Variants in SNX31 observed in about 807,000 individuals in gnomAD.
The protein encoded by SNX31 is sorting nexin-31.
In SNX31, 58 loss-of-function variants were observed where a neutral mutation model predicts 65.4. The observed-to-expected ratio is 0.89, with a 90% confidence interval of 0.72 to 1.10. SNX31 has a LOEUF of 1.10. Ranked by LOEUF, SNX31 falls within the 50% of genes least tolerant of loss-of-function variation. SNX31 has a pLI of 0.00. For synonymous variants in SNX31, 181 were observed against 190.1 expected, an observed-to-expected ratio of 0.95 and a Z score of 0.39; for missense variants, 523 against 529.7, an observed-to-expected ratio of 0.99 and a Z score of 0.12.
intron 2 of SNX31, 28 bp from the exon 3 acceptor site, chr8:100,636,039 G>T: frequency 6.4e-7 from 1 of 1,564,030 alleles, no homozygotes; most frequent in Non-Finnish European, 8.8e-7. Context: ...CACAGTTAAG[G>T]CAGGTGAGCC....
rs1304157636 is a variant in SNX31 at position 100,630,605 on chromosome 8, G to A, written c.257-214C>T. Reference sequence around the variant, plus strand: ...CAGGAACCCATGACACCCATCCAGGGTGACAGTGTTCCCAGGCATCTCACT... The same window carrying A: ...CAGGAACCCATGACACCCATCCAGGATGACAGTGTTCCCAGGCATCTCACT... On this transcript the variant is annotated intron_variant, in intron 3 of 13. Transcript: ENST00000311812. The surrounding 1 kb of genome is among the most constrained non-coding windows in gnomAD (Gnocchi z 5.3). Among the ~76,000 whole-genome samples, 1 of 152,146 alleles carries A rather than the reference G, an allele frequency of 6.6e-6. No individual in the cohort carries two copies. The highest frequency in any genetic ancestry group is 1.5e-5 in the Non-Finnish European group (1 of 68,026).
At chr8:100,643,946 C>T (rs1478407313) in intron 2 of SNX31, among the ~76,000 whole-genome samples, 1 of 152,168 alleles carries the variant, frequency 6.6e-6, no homozygotes. Context: ...GCATCTCATG[C>T]AATCAAGGAG....
intron 8 of SNX31, among the ~76,000 whole-genome samples, chr8:100,605,609 G>A (rs577369542): frequency 6.6e-6 from 1 of 152,224 alleles, no homozygotes; most frequent in East Asian, 1.9e-4. Context: ...AGAAGGATGC[G>A]GTTGCTGGCC....
At chr8:100,644,871 C>T (rs1485664592) in intron 2 of SNX31, among the ~76,000 whole-genome samples, 1 of 152,218 alleles carries the variant, frequency 6.6e-6, no homozygotes, top group Non-Finnish European at 1.5e-5. Flanking sequence ...TACCATTGCC[C>T]AGGCAGGTCT....
intron 7 of SNX31, among the ~76,000 whole-genome samples, chr8:100,611,300 G>A (rs988623220): frequency 2.0e-5 from 3 of 152,134 alleles, no homozygotes; most frequent in Non-Finnish European, 2.9e-5. Flanking sequence ...GTGATGCATT[G>A]CAAAGCAAAC....
At chr8:100,620,875 G>GGATCACCTGAGGTCGGCA (rs1563559435) in intron 4 of SNX31, among the ~76,000 whole-genome samples, 2 of 152,068 alleles carry the variant, frequency 1.3e-5, no homozygotes, top group South Asian at 4.1e-4. Flanking sequence ...TGAGGTGGGC[G>GGATCACCTGAGGTCGGCA]GATCACCTGA....
chr8:100,626,307 G>A lies in SNX31; in HGVS notation c.321+4020C>T, dbSNP rs1414734378. On this transcript the variant is annotated intron_variant, in intron 4 of 13. Transcript: ENST00000311812. This position sits in a 1 kb window ranked among gnomAD's most constrained non-coding sequence, Gnocchi z 4.4. ...GGAAACTGAGGTACAAAAAGCCTAA[G>A]TAAATTGACCCAAGTCATATAAATC... 6.6e-6 allele frequency among the ~76,000 whole-genome samples: 1 copy of A among 152,158 alleles called. No homozygotes were observed. The highest frequency in any genetic ancestry group is 1.5e-5 in the Non-Finnish European group (1 of 68,032).
intron 4 of SNX31, among the ~76,000 whole-genome samples, chr8:100,627,422 G>C (rs982075168): frequency 2.6e-5 from 4 of 152,194 alleles, no homozygotes; most frequent in African/African-American, 9.7e-5. Context: ...TCCCATGAAT[G>C]ATGGAAAGCA....
At chr8:100,615,661 C>T (rs1434364113) in intron 5 of SNX31, among the ~76,000 whole-genome samples, 1 of 152,222 alleles carries the variant, frequency 6.6e-6, no homozygotes, top group East Asian at 1.9e-4. Context: ...GGCTACAAGC[C>T]TGTTAGCCCA....
intron 10 of SNX31, among the ~76,000 whole-genome samples, chr8:100,591,462 C>G (rs1014267915): frequency 7.2e-6 from 1 of 139,574 alleles, no homozygotes; most frequent in Admixed American, 7.7e-5. Context: ...GCACTCCAGC[C>G]TGGGCAACAG....
chr8:100,618,783 T>A (rs866996299), intron 4 of SNX31: 1 of 174,040 alleles, frequency 5.7e-6, no homozygotes, highest in Admixed American at 5.8e-5. Context: ...GGGGTTTCCA[T>A]GCTCTGTTTG....
At chr8:100,615,098 C>T (rs1817054040) in intron 5 of SNX31, among the ~76,000 whole-genome samples, 1 of 152,190 alleles carries the variant, frequency 6.6e-6, no homozygotes. Context: ...GACCACTTCA[C>T]CTGTTATGGA....
At chr8:100,631,448 T>C (rs942030580) in intron 3 of SNX31, among the ~76,000 whole-genome samples, 3 of 150,500 alleles carry the variant, frequency 2.0e-5, no homozygotes, top group Non-Finnish European at 4.4e-5. Context: ...TTTTTTTTTT[T>C]TTTTTTTGAG....
At chr8:100,641,875 T>G (rs12547620) in intron 2 of SNX31, among the ~76,000 whole-genome samples, 70,195 of 149,686 alleles carry the variant, frequency 0.47, 16,686 homozygotes, top group South Asian at 0.53. Flanking sequence ...TCAGGAGATC[T>G]AGACCATCCT....
Position 100,599,657 on chromosome 8 carries a change from T to C in SNX31, c.774+692A>G, listed in dbSNP as rs1815431637. 3.9e-5 allele frequency among the ~76,000 whole-genome samples: 6 copies of C among 152,292 alleles called. No homozygotes were observed. The South Asian group carries it at 1.2e-3, about 32-fold the overall frequency. ...GTTGTATTTCGTTCAAAAATCAATG[T>C]TGCAGTTGTGAACATTGGCAAAGTC... On this transcript the variant is annotated intron_variant, in intron 9 of 13. Transcript: ENST00000311812.
chr8:100,649,189 A>T (rs1819854948), intron 2 of SNX31, 85 bp downstream of exon 2: 1 of 1,372,736 alleles, frequency 7.3e-7, no homozygotes, highest in South Asian at 1.2e-5. Flanking sequence ...GTGTCTTGCC[A>T]GAGTCAGAGG....
chr8:100,606,961 G>A (rs1344881580), intron 8 of SNX31, among the ~76,000 whole-genome samples: 2 of 152,182 alleles, frequency 1.3e-5, no homozygotes, highest in Non-Finnish European at 2.9e-5. Context: ...CCAGTTTCTG[G>A]GGATGCAGCA....
chr8:100,645,172 C>T (rs1819538674), intron 2 of SNX31, among the ~76,000 whole-genome samples: 1 of 152,220 alleles, frequency 6.6e-6, no homozygotes, highest in African/African-American at 2.4e-5. Flanking sequence ...ACTTAGTAAA[C>T]ATTTCTTAAG....
chr8:100,641,602 A>G (rs1819223487), intron 2 of SNX31, among the ~76,000 whole-genome samples: 2 of 35,572 alleles, frequency 5.6e-5, no homozygotes, highest in East Asian at 1.5e-3. Context: ...ATATACACAT[A>G]CACACACACA....
Sources: gnomAD v4.1 joint callset for allele counts (sites outside exome capture counted in the v4.1 genomes callset) on GRCh38, gnomAD v4.1.1 for gene constraint, Gnocchi (gnomAD v3.1) non-coding constraint, MANE v1.5 for transcripts, NCBI Gene and HGNC (gene_info 2026-07-23, HGNC 2026-07-21) for gene names.